Variants in SORBS2 observed in about 807,000 individuals in gnomAD.
SORBS2 encodes sorbin and SH3 domain containing 2, also known as sorbin and SH3 domain-containing protein 2.
SORBS2 carries 46 observed loss-of-function variants against 97.7 expected under a neutral mutation model. That is an observed-to-expected ratio of 0.47 (90% CI 0.37 to 0.60). SORBS2 has a LOEUF of 0.60. Ranked by LOEUF, SORBS2 falls within the 20% of genes least tolerant of loss-of-function variation. The probability of loss-of-function intolerance (pLI) is 0.00; values close to 1 mark genes in which losing one functional copy is unlikely to be tolerated. For missense variants in SORBS2, 1,316 were observed against 1,282.3 expected, an observed-to-expected ratio of 1.03 and a Z score of -0.40; for synonymous variants, 476 against 473.4, an observed-to-expected ratio of 1.01 and a Z score of -0.07.
At chr4:185,831,009 T>A in intron 1 of SORBS2, among the ~76,000 whole-genome samples, 1 of 152,228 alleles carries the variant, frequency 6.6e-6, no homozygotes, top group Non-Finnish European at 1.5e-5. Flanking sequence ...CTTCCTTATT[T>A]GGGCGCTATT....
chr4:185,709,302 A>ATTTTTTTTTTTTTTTTTTTTTTTT (rs1562045505), intron 2 of SORBS2, among the ~76,000 whole-genome samples: 2 of 42,196 alleles, frequency 4.7e-5, no homozygotes, highest in African/African-American at 1.3e-4. Context: ...TGCTGGCCAA[A>ATTTTTTTTTTTTTTTTTTTTTTTT]TCTTTTTTTT....
In SORBS2 at chr4:185,650,738, A is replaced by C. The variant is rs1480712807; in HGVS notation, c.92-1082T>G. ...GCTTGGATTCAACAGTCGGACTTCA[A>C]CTTTTGAGCTAAATAAAGGAGGTGA... On this transcript the variant is annotated intron_variant, in intron 2 of 14. Coordinates refer to ENST00000418609, the Ensembl canonical transcript of SORBS2. Among the ~76,000 whole-genome samples, 3 of 152,256 alleles carry C rather than the reference A, an allele frequency of 2.0e-5. No individual in the cohort carries two copies. The East Asian group carries it at 5.8e-4, about 29-fold the overall frequency.
intron 4 of SORBS2, among the ~76,000 whole-genome samples, chr4:185,664,009 C>G (rs1322514236): frequency 6.6e-6 from 1 of 151,922 alleles, no homozygotes; most frequent in East Asian, 1.9e-4. Flanking sequence ...CGCCCACCAC[C>G]ACGCCCGGCT....
chr4:185,665,159 A>T (rs1237444420), intron 4 of SORBS2, among the ~76,000 whole-genome samples: 4 of 152,240 alleles, frequency 2.6e-5, no homozygotes, highest in Non-Finnish European at 4.4e-5. Flanking sequence ...ATTTTTAAAA[A>T]TCGTACAGCT....
intron 2 of SORBS2, among the ~76,000 whole-genome samples, chr4:185,748,287 C>CTG (rs2098776640): frequency 6.6e-6 from 1 of 152,146 alleles, no homozygotes; most frequent in Admixed American, 6.5e-5. Context: ...AGTGCAGTTG[C>CTG]TGTGTGTGAC....
At chr4:185,766,282 C>A (rs2098933658) in intron 2 of SORBS2, among the ~76,000 whole-genome samples, 1 of 152,190 alleles carries the variant, frequency 6.6e-6, no homozygotes, top group Non-Finnish European at 1.5e-5. Flanking sequence ...TGCCAGGCCA[C>A]ACCTTCCAAC....
At chr4:185,602,923 A>G (rs1447558479) in intron 12 of SORBS2, among the ~76,000 whole-genome samples, 1 of 152,232 alleles carries the variant, frequency 6.6e-6, no homozygotes, top group African/African-American at 2.4e-5. Flanking sequence ...TCAAAAATTG[A>G]GATTTCCTCC....
intron 1 of SORBS2, among the ~76,000 whole-genome samples, chr4:185,902,270 A>T (rs974522358): frequency 2.6e-5 from 4 of 152,138 alleles, no homozygotes; most frequent in African/African-American, 9.6e-5. Context: ...TGAAGACACA[A>T]TGACAATTTT....
intron 2 of SORBS2, among the ~76,000 whole-genome samples, chr4:185,720,631 G>T (rs929955540): frequency 6.6e-6 from 1 of 152,100 alleles, no homozygotes; most frequent in East Asian, 1.9e-4. Context: ...GTACCCAGGT[G>T]CTCTGCCTTG....
intron 9 of SORBS2, among the ~76,000 whole-genome samples, chr4:185,617,018 G>T (rs902174300): frequency 3.9e-5 from 6 of 152,116 alleles, no homozygotes; most frequent in Non-Finnish European, 5.9e-5. Flanking sequence ...CAAAGTGCTG[G>T]GATTACAGGC....
chr4:185,905,636 T>C (rs1196557889), intron 1 of SORBS2, among the ~76,000 whole-genome samples: 1 of 152,230 alleles, frequency 6.6e-6, no homozygotes, highest in Admixed American at 6.5e-5. Context: ...CATTTTAAAA[T>C]ATGTTTTTCT....
At chr4:185,861,911 A>G (rs772863031) in intron 1 of SORBS2, among the ~76,000 whole-genome samples, 8 of 152,080 alleles carry the variant, frequency 5.3e-5, no homozygotes, top group South Asian at 4.2e-4. Context: ...CTTCTATTTT[A>G]TAGACAACAC....
chr4:185,788,576 C>A lies in SORBS2; in HGVS notation c.-337-13210G>T, dbSNP rs2099066780. On this transcript the variant is annotated intron_variant, in intron 1 of 20. Coordinates refer to the SORBS2 transcript ENST00000284776. Reference sequence around the variant, plus strand: ...CGTACAAGGCTCGCTGGTGAAACTTCTGAAAAAGAGAACCTTGCAGCTGAG... The same window carrying A: ...CGTACAAGGCTCGCTGGTGAAACTTATGAAAAAGAGAACCTTGCAGCTGAG... Among the ~76,000 whole-genome samples, 4 of 152,122 alleles carry A rather than the reference C, an allele frequency of 2.6e-5. No homozygotes were observed. The South Asian group carries it at 8.3e-4, about 32-fold the overall frequency.
chr4:185,910,899 C>T lies in SORBS2; in HGVS notation c.-338+45297G>A, dbSNP rs1338787421. On this transcript the variant is annotated intron_variant, in intron 1 of 20. Transcript: ENST00000284776. ...TATCCAAATTCCCTTCCAGACTTTT[C>T]TCAGGTGCGTGGTTTCAGAGTAGGA... 2.0e-5 allele frequency among the ~76,000 whole-genome samples: 3 copies of T among 152,038 alleles called. No homozygotes were observed. The East Asian group carries it at 5.8e-4, about 29-fold the overall frequency.
intron 1 of SORBS2, among the ~76,000 whole-genome samples, chr4:185,857,050 C>G (rs2099220900): frequency 6.6e-6 from 1 of 152,150 alleles, no homozygotes; most frequent in Non-Finnish European, 1.5e-5. Flanking sequence ...GTTTTGGACA[C>G]AGAGCCAGAC....
At chr4:185,723,065 C>A (rs1036157624) in intron 2 of SORBS2, among the ~76,000 whole-genome samples, 1 of 151,816 alleles carries the variant, frequency 6.6e-6, no homozygotes, top group Admixed American at 6.6e-5. Context: ...ACAGTGCCTG[C>A]ACATGTAAGA....
chr4:185,910,810 T>C (rs1301010696), intron 1 of SORBS2, among the ~76,000 whole-genome samples: 1 of 152,212 alleles, frequency 6.6e-6, no homozygotes, highest in Non-Finnish European at 1.5e-5. Flanking sequence ...TATCACAGAC[T>C]GTATTATATA....
chr4:185,947,612 G>T (rs956229747), intron 1 of SORBS2, among the ~76,000 whole-genome samples: 2 of 150,700 alleles, frequency 1.3e-5, no homozygotes, highest in African/African-American at 2.4e-5. Context: ...TTTTTCTTGG[G>T]TTTTTTTTTT....
intron 4 of SORBS2, among the ~76,000 whole-genome samples, chr4:185,633,303 A>G (rs1309034393): frequency 6.6e-6 from 1 of 152,186 alleles, no homozygotes; most frequent in Non-Finnish European, 1.5e-5. Flanking sequence ...GTTATTAAAG[A>G]CAAAATCCAG....
Sources: gnomAD v4.1 joint callset for allele counts (sites outside exome capture counted in the v4.1 genomes callset) on GRCh38, gnomAD v4.1.1 for gene constraint, MANE v1.5 for transcripts, NCBI Gene and HGNC (gene_info 2026-07-23, HGNC 2026-07-21) for gene names.